Variants in GPALPP1 observed in about 807,000 individuals in gnomAD.
The protein encoded by GPALPP1 is GPALPP motifs containing 1.
A neutral mutation model predicts 38.9 loss-of-function variants in GPALPP1; 30 were observed. That is an observed-to-expected ratio of 0.77 (90% CI 0.58 to 1.05). The LOEUF (loss-of-function observed/expected upper bound fraction) is 1.05, where lower values mean the gene tolerates loss of function less well. Among genes scored for constraint, GPALPP1 ranks in the 50% least tolerant of loss-of-function variants. The pLI, the probability that GPALPP1 is intolerant of heterozygous loss-of-function variation, is 0.00. For missense variants in GPALPP1, 384 were observed against 408.8 expected (o/e 0.94, Z 0.52); for synonymous variants, 120 against 139.2 (o/e 0.86, Z 0.97).
At chr13:45,005,762 C>G (rs546329415) in intron 2 of GPALPP1, among the ~76,000 whole-genome samples, 1 of 152,140 alleles carries the variant, frequency 6.6e-6, no homozygotes, top group Admixed American at 6.5e-5. Context: ...CAGTGGCTCA[C>G]GCCTGTAATC....
chr13:45,014,128 G>A (rs944323285), intron 4 of GPALPP1, among the ~76,000 whole-genome samples: 1 of 152,088 alleles, frequency 6.6e-6, no homozygotes, highest in Non-Finnish European at 1.5e-5. Flanking sequence ...GAAGTGAGAC[G>A]ATCATTAGCT....
intron 3 of GPALPP1, among the ~76,000 whole-genome samples, chr13:45,007,856 G>C (rs1874204687): frequency 1.3e-5 from 2 of 152,204 alleles, no homozygotes; most frequent in African/African-American, 4.8e-5. Flanking sequence ...AATCTTAAAA[G>C]TGTGAAAGAG....
chr13:45,000,811 C>T (rs929269789), intron 1 of GPALPP1, among the ~76,000 whole-genome samples: 1 of 152,048 alleles, frequency 6.6e-6, no homozygotes, highest in Non-Finnish European at 1.5e-5. Flanking sequence ...TTTAGTAAAC[C>T]CTAAACAGCA....
downstream of GPALPP1, chr13:45,033,477 G>A (rs1432146065): frequency 6.6e-6 from 1 of 152,142 alleles, no homozygotes; most frequent in East Asian, 1.9e-4. Context: ...ACTGCAGTAT[G>A]TACACAGTTA....
downstream of GPALPP1, among the ~76,000 whole-genome samples, chr13:45,032,999 T>C (rs1334863650): frequency 6.7e-6 from 1 of 150,136 alleles, no homozygotes; most frequent in East Asian, 2.0e-4. Context: ...ATCGCGCCAC[T>C]GCACTCCAGC....
At chr13:45,023,231 ATTATT>A (rs1454650500) in intron 7 of GPALPP1, among the ~76,000 whole-genome samples, 2 of 151,882 alleles carry the variant, frequency 1.3e-5, no homozygotes, top group Non-Finnish European at 2.9e-5. Flanking sequence ...GGTGTTATTT[ATTATT>A]TTATTATATT....
At chr13:45,020,264 A>G in intron 6 of GPALPP1, 66 bp from the exon 7 acceptor site, 1 of 688,712 alleles carries the variant, frequency 1.5e-6, no homozygotes, top group Non-Finnish European at 2.6e-6. Context: ...AGTAAAAATA[A>G]TATTTATTTT....
At chr13:45,020,551 C>T in intron 7 of GPALPP1, 123 bp downstream of exon 7, 2 of 561,040 alleles carry the variant, frequency 3.6e-6, no homozygotes, top group East Asian at 3.4e-5. Context: ...GCTTGGGCAA[C>T]ATAGCAAGAC....
intron 7 of GPALPP1, among the ~76,000 whole-genome samples, chr13:45,022,531 T>C (rs1875504774): frequency 6.6e-6 from 1 of 152,108 alleles, no homozygotes; most frequent in Non-Finnish European, 1.5e-5. Flanking sequence ...TCCAAAAAAT[T>C]AGGGTTCTAA....
At chr13:45,008,707 A>G in intron 3 of GPALPP1, 88 bp from the exon 4 acceptor site, 1 of 671,346 alleles carries the variant, frequency 1.5e-6, no homozygotes, top group Non-Finnish European at 2.6e-6. Context: ...ATTTGTCACT[A>G]TTTGGCTTTA....
At chr13:45,019,012 T>TATAA (rs1875126662) in intron 6 of GPALPP1, among the ~76,000 whole-genome samples, 2 of 60,104 alleles carry the variant, frequency 3.3e-5, no homozygotes, top group Non-Finnish European at 5.1e-5. Context: ...CATATAAATA[T>TATAA]ATATACACAT....
chr13:44,989,737 G>T lies in GPALPP1; in HGVS notation c.83G>T (p.Ser28Ile), dbSNP rs769827322. ...GCGGAGGACGAAGAGCGGGACCCGA[G>T]CCCTGGTAAGCGGCGGCGTCTCCGC... ...GTAEDEERDP[S>I]PVAGPALPPN... Residue 28 changes from serine to isoleucine, a missense_variant, in exon 1 of 8, where the codon AGC becomes ATC. By Grantham distance (142) the Ser-to-Ile change is moderately radical. Coordinates refer to ENST00000379151, the MANE Select transcript of GPALPP1 (RefSeq NM_018559.5). The T allele has an allele frequency of 6.2e-7, 1 of 1,607,056 alleles. No individual in the cohort carries two copies. Among genetic ancestry groups the T allele is most frequent in the South Asian group, 1.1e-5 (1 of 91,026 alleles).
chr13:44,989,795 CG>C (rs1872644171), intron 1 of GPALPP1, 53 bp downstream of exon 1: 1 of 1,375,852 alleles, frequency 7.3e-7, no homozygotes, highest in East Asian at 2.3e-5. Flanking sequence ...ACTCCCTGGC[CG>C]GGCCCTGCTC....
chr13:45,015,337 C>A, intron 5 of GPALPP1, 95 bp from the exon 6 acceptor site: 1 of 730,194 alleles, frequency 1.4e-6, no homozygotes. Flanking sequence ...AACTTTAAAA[C>A]TTCAATTGCA....
At chr13:45,011,828 C>G (rs1874502488) in intron 4 of GPALPP1, among the ~76,000 whole-genome samples, 1 of 152,232 alleles carries the variant, frequency 6.6e-6, no homozygotes, top group South Asian at 2.1e-4. Context: ...TACGAGGACT[C>G]CTTTCTAACA....
At chr13:45,008,463 T>G (rs1044701274) in intron 3 of GPALPP1, among the ~76,000 whole-genome samples, 2 of 152,160 alleles carry the variant, frequency 1.3e-5, no homozygotes, top group Non-Finnish European at 2.9e-5. Flanking sequence ...CCATCACAGA[T>G]TTTAGTACAT....
intron 1 of GPALPP1, among the ~76,000 whole-genome samples, chr13:44,998,162 AC>A (rs1873425799): frequency 6.6e-6 from 1 of 152,128 alleles, no homozygotes; most frequent in South Asian, 2.1e-4. Flanking sequence ...TCCTAAATCC[AC>A]GCCAAGCTTT....
intron 3 of GPALPP1, among the ~76,000 whole-genome samples, chr13:45,008,333 T>A (rs888870593): frequency 1.3e-5 from 2 of 152,226 alleles, no homozygotes; most frequent in African/African-American, 4.8e-5. Flanking sequence ...TATATGTCCT[T>A]AGAAGAACTC....
At chr13:44,989,985 T>C (rs753815717) in intron 1 of GPALPP1, 19 of 580,948 alleles carry the variant, frequency 3.3e-5, no homozygotes, top group Non-Finnish European at 5.5e-5. Flanking sequence ...TTAGCCTTAA[T>C]ATGAGCTGCA....
Sources: allele counts gnomAD v4.1 joint callset (sites outside exome capture counted in the v4.1 genomes callset), GRCh38; gene constraint gnomAD v4.1.1; transcripts MANE v1.5; gene names NCBI Gene and HGNC (gene_info 2026-07-23, HGNC 2026-07-21).